The following ZNF423 variants were observed in gnomAD, a reference collection of about 807,000 sequenced individuals.
The protein encoded by ZNF423 is zinc finger protein 423.
Under a neutral mutation model 95.8 loss-of-function variants are expected in ZNF423, and 12 were observed. The ratio of observed to expected loss-of-function variants is 0.13; its 90% confidence interval spans 0.08 to 0.20. The LOEUF (loss-of-function observed/expected upper bound fraction) is 0.20. Ranked by LOEUF, ZNF423 falls within the 10% of genes least tolerant of loss-of-function variation. ZNF423 has a pLI of 1.00. For synonymous variants in ZNF423, 749 were observed against 711.9 expected, an observed-to-expected ratio of 1.05 and a Z score of -0.83; for missense variants, 1,316 against 1,737.1, an observed-to-expected ratio of 0.76 and a Z score of 4.31.
intron 5 of ZNF423, among the ~76,000 whole-genome samples, chr16:49,624,424 A>G (rs994713023): frequency 1.3e-5 from 2 of 152,088 alleles, no homozygotes; most frequent in Non-Finnish European, 2.9e-5. Flanking sequence ...GAGATGCTGC[A>G]TGCCTGTAGT....
chr16:49,577,957 A>G (rs188572208), intron 5 of ZNF423, among the ~76,000 whole-genome samples: 13 of 152,316 alleles, frequency 8.5e-5, no homozygotes, highest in Admixed American at 7.8e-4. Context: ...TGACCTAGAC[A>G]CATGGCAGGC....
chr16:49,593,734 C>T (rs1338359060), intron 5 of ZNF423, among the ~76,000 whole-genome samples: 1 of 152,172 alleles, frequency 6.6e-6, no homozygotes, highest in Non-Finnish European at 1.5e-5. Context: ...CGAGAAGCCC[C>T]CAAGACCAGC....
intron 1 of ZNF423, among the ~76,000 whole-genome samples, chr16:49,835,353 C>T (rs1311532363): frequency 6.6e-6 from 1 of 152,182 alleles, no homozygotes; most frequent in Non-Finnish European, 1.5e-5. Flanking sequence ...AGGACTGTGG[C>T]GGTGCCAGGC....
chr16:49,809,614 C>CCCAGAGGCTCTCGCT, intron 1 of ZNF423, among the ~76,000 whole-genome samples: 1 of 152,320 alleles, frequency 6.6e-6, no homozygotes, highest in African/African-American at 2.4e-5. Context: ...CCGCTCTGCA[C>CCCAGAGGCTCTCGCT]CTGCGAGAAC....
chr16:49,830,368 A>C (rs781565831), intron 1 of ZNF423, among the ~76,000 whole-genome samples: 1 of 152,158 alleles, frequency 6.6e-6, no homozygotes, highest in African/African-American at 2.4e-5. Flanking sequence ...GGGAAGAGAC[A>C]GCCGCTCACA....
chr16:49,854,902 TG>T, intron 1 of ZNF423: 1 of 985,038 alleles, frequency 1.0e-6, no homozygotes, highest in Non-Finnish European at 1.2e-6. Flanking sequence ...AAAGCCGGCC[TG>T]GGTGTCGAGG....
At chr16:49,586,811 C>T (rs991151145) in intron 5 of ZNF423, among the ~76,000 whole-genome samples, 8 of 152,204 alleles carry the variant, frequency 5.3e-5, no homozygotes, top group Admixed American at 1.3e-4. Context: ...CTGGGACCTC[C>T]GAGCCAGTCC....
chr16:49,525,629 A>T (rs534991963), intron 5 of ZNF423, 135 bp from the exon 6 acceptor site: 20 of 1,258,838 alleles, frequency 1.6e-5, no homozygotes, highest in Non-Finnish European at 2.2e-5. Context: ...GGGACTGCAG[A>T]CACCAAGACT....
At chr16:49,838,747 ACCCGGG>A (rs1414104118) in intron 1 of ZNF423, among the ~76,000 whole-genome samples, 1 of 151,540 alleles carries the variant, frequency 6.6e-6, no homozygotes, top group Non-Finnish European at 1.5e-5. Context: ...GCCAGGCCCC[ACCCGGG>A]CCGCGTGAGC....
intron 3 of ZNF423, among the ~76,000 whole-genome samples, chr16:49,644,901 T>G (rs539233773): frequency 6.6e-6 from 1 of 152,048 alleles, no homozygotes; most frequent in Non-Finnish European, 1.5e-5. Flanking sequence ...GTGGGAGTCA[T>G]GCTGGGGCAA....
chr16:49,728,679 C>G (rs1044797673), intron 3 of ZNF423, among the ~76,000 whole-genome samples: 5 of 152,138 alleles, frequency 3.3e-5, no homozygotes, highest in African/African-American at 4.8e-5. Context: ...ACATATAGCC[C>G]AGTTTCCCAG....
intron 3 of ZNF423, among the ~76,000 whole-genome samples, chr16:49,667,287 G>A (rs2030590683): frequency 6.6e-6 from 1 of 152,220 alleles, no homozygotes; most frequent in Non-Finnish European, 1.5e-5. Context: ...TGAAAGGTGT[G>A]GGCATGGAGG....
intron 2 of ZNF423, among the ~76,000 whole-genome samples, chr16:49,785,885 GAGA>G (rs1023651618): frequency 3.3e-5 from 5 of 152,250 alleles, no homozygotes; most frequent in African/African-American, 9.6e-5. Flanking sequence ...GGGTTGGCAG[GAGA>G]AGAAGAATGA....
intron 1 of ZNF423, among the ~76,000 whole-genome samples, chr16:49,808,392 T>C (rs1337304742): frequency 6.6e-6 from 1 of 152,002 alleles, no homozygotes; most frequent in African/African-American, 2.4e-5. Context: ...AAAATAAACA[T>C]AAGAAGTAAC....
intron 1 of ZNF423, among the ~76,000 whole-genome samples, chr16:49,837,902 A>AAGTCAGAT (rs2035137751): frequency 6.6e-6 from 1 of 152,202 alleles, no homozygotes; most frequent in South Asian, 2.1e-4. Flanking sequence ...GACCTTGTCG[A>AAGTCAGAT]AGTCAGATAA....
intron 1 of ZNF423, among the ~76,000 whole-genome samples, chr16:49,793,985 T>C (rs754873605): frequency 2.0e-4 from 30 of 151,950 alleles, no homozygotes; most frequent in Non-Finnish European, 3.4e-4. Context: ...AAAGATCTGT[T>C]ACCTACTTAA....
At chr16:49,497,322 C>T (rs56279830) in intron 7 of ZNF423, among the ~76,000 whole-genome samples, 21,221 of 152,218 alleles carry the variant, frequency 0.14, 1,634 homozygotes, top group East Asian at 0.22. Flanking sequence ...TGGGCACAGA[C>T]AGGTTGAGAA....
In ZNF423 at chr16:49,626,269, A is replaced by G. The variant is rs776288509; in HGVS notation, c.3517-15T>C. 6.2e-7 allele frequency: 1 copy of G among 1,613,228 alleles called. No individual in the cohort carries two copies. The highest frequency in any genetic ancestry group is 1.7e-5 in the Admixed American group (1 of 59,994). ...TATGTCTTTTTCTGTTTGGAAACCA[A>G]AAATAAAAGATTTAGAGAGGCAGGA... On this transcript the variant is annotated splice_polypyrimidine_tract_variant and intron_variant, in intron 4 of 7. Coordinates refer to ENST00000563137, the MANE Select transcript of ZNF423 (RefSeq NM_001379286.1).
chr16:49,538,602 C>T (rs1969138507), intron 5 of ZNF423, among the ~76,000 whole-genome samples: 1 of 152,180 alleles, frequency 6.6e-6, no homozygotes, highest in Admixed American at 6.5e-5. Context: ...ACTCTTCTGC[C>T]AGGTGGCCCT....
Sources: allele counts gnomAD v4.1 joint callset (sites outside exome capture counted in the v4.1 genomes callset), GRCh38; gene constraint gnomAD v4.1.1; transcripts MANE v1.5; gene names NCBI Gene and HGNC (gene_info 2026-07-23, HGNC 2026-07-21).